C16orf74: variants seen among roughly 807,000 people sequenced by gnomAD.
C16orf74 encodes the protein calcimembrin.
C16orf74 carries 10 observed loss-of-function variants against 6.5 expected under a neutral mutation model. The observed-to-expected ratio is 1.54, with a 90% confidence interval of 0.95 to 2.61. C16orf74 has a LOEUF of 2.61. Among genes scored for constraint, C16orf74 ranks in the 30% most tolerant of loss-of-function variants. The pLI, the probability that C16orf74 is intolerant of heterozygous loss-of-function variation, is 0.00. For missense variants in C16orf74, 141 were observed against 105.9 expected, an observed-to-expected ratio of 1.33 and a Z score of -1.45; for synonymous variants, 60 against 42.5, an observed-to-expected ratio of 1.41 and a Z score of -1.60.
intron 2 of C16orf74, among the ~76,000 whole-genome samples, chr16:85,722,446 G>A (rs912070715): frequency 3.9e-5 from 6 of 152,214 alleles, no homozygotes; most frequent in African/African-American, 1.4e-4. Flanking sequence ...GAGCGGAGCA[G>A]ACTGAAGGCT....
chr16:85,708,075 AAG>A lies in C16orf74; in HGVS notation c.173-11_173-10del, dbSNP rs1567800264. ...TGTCTCATCCAGCCAGACTAGGAGA[AAG>A]AGGGGATGGACACCTGGATGCACCC... is the stretch of plus-strand genomic sequence containing the variant. On this transcript the variant is annotated splice_polypyrimidine_tract_variant and intron_variant, in intron 3 of 3. Transcript: ENST00000284245. The A allele has an allele frequency of 5.2e-6, 8 of 1,552,574 alleles. No individual in the cohort carries two copies. The highest frequency in any genetic ancestry group is 7.0e-6 in the Non-Finnish European group (8 of 1,147,266).
chr16:85,720,439 G>A (rs372925470), intron 2 of C16orf74, among the ~76,000 whole-genome samples: 1 of 152,230 alleles, frequency 6.6e-6, no homozygotes. Context: ...GGCTGTGGAG[G>A]GTGTAGGTAC....
intron 1 of C16orf74, among the ~76,000 whole-genome samples, chr16:85,749,489 C>T (rs1378872842): frequency 6.6e-6 from 1 of 152,094 alleles, no homozygotes; most frequent in African/African-American, 2.4e-5. Flanking sequence ...CACTGTGTTG[C>T]CCAGGCTGGT....
chr16:85,740,562 C>T (rs931786189), intron 1 of C16orf74, among the ~76,000 whole-genome samples: 36 of 151,732 alleles, frequency 2.4e-4, no homozygotes, highest in Non-Finnish European at 3.7e-4. Context: ...ATTAGCCAGG[C>T]GTGGTGGCGG....
intron 1 of C16orf74, among the ~76,000 whole-genome samples, chr16:85,739,456 G>T (rs1459215340): frequency 6.6e-6 from 1 of 152,212 alleles, no homozygotes; most frequent in Non-Finnish European, 1.5e-5. Flanking sequence ...GGAATTTGCT[G>T]TAAAATACTT....
At chr16:85,749,328 C>G (rs140281332) in intron 1 of C16orf74, among the ~76,000 whole-genome samples, 4 of 152,032 alleles carry the variant, frequency 2.6e-5, no homozygotes, top group African/African-American at 9.7e-5. Context: ...CTCTGTTGCC[C>G]AGGCTGGAAT....
intron 1 of C16orf74, among the ~76,000 whole-genome samples, chr16:85,748,221 A>C (rs2054396095): frequency 6.6e-6 from 1 of 151,568 alleles, no homozygotes. Context: ...GGGACAACTG[A>C]AGGGGGAAGT....
At chr16:85,740,161 G>C (rs2054287811) in intron 1 of C16orf74, among the ~76,000 whole-genome samples, 1 of 131,876 alleles carries the variant, frequency 7.6e-6, no homozygotes, top group African/African-American at 2.9e-5. Flanking sequence ...AGGGAGCCGA[G>C]ATCACGCCAT....
chr16:85,730,200 C>A (rs927953227), intron 2 of C16orf74, among the ~76,000 whole-genome samples: 3 of 152,116 alleles, frequency 2.0e-5, no homozygotes, highest in African/African-American at 7.2e-5. Flanking sequence ...CCACTGTGAC[C>A]CTCACACTCT....
chr16:85,727,184 G>A (rs138774048), intron 2 of C16orf74, among the ~76,000 whole-genome samples: 1 of 152,240 alleles, frequency 6.6e-6, no homozygotes, highest in African/African-American at 2.4e-5. Flanking sequence ...GCCTGCAGCT[G>A]TCCGCCAGCA....
At chr16:85,710,376 G>C in intron 2 of C16orf74, 69 bp from the exon 3 acceptor site, 6 of 1,403,170 alleles carry the variant, frequency 4.3e-6, no homozygotes, top group Non-Finnish European at 5.5e-6. Context: ...GTGGCCGCCG[G>C]GAACCGCGGG....
chr16:85,749,250 T>A (rs1430519575), intron 1 of C16orf74, among the ~76,000 whole-genome samples: 4 of 152,180 alleles, frequency 2.6e-5, no homozygotes, highest in Non-Finnish European at 5.9e-5. Context: ...GACTTTGCCT[T>A]TACAAGCTTC....
chr16:85,731,759 C>G (rs144641440), intron 2 of C16orf74, among the ~76,000 whole-genome samples: 1,546 of 151,946 alleles, frequency 0.01, 11 homozygotes, highest in Non-Finnish European at 0.015. Flanking sequence ...GTGATCACAG[C>G]TCACTGCAGC....
chr16:85,743,447 G>A (rs1294383073), intron 1 of C16orf74: 1 of 152,110 alleles, frequency 6.6e-6, no homozygotes, highest in Non-Finnish European at 1.5e-5. Context: ...ATGAGGAGCT[G>A]GGGCTCACAG....
intron 1 of C16orf74, among the ~76,000 whole-genome samples, chr16:85,746,488 T>C (rs1042074955): frequency 6.6e-6 from 1 of 152,182 alleles, no homozygotes; most frequent in Non-Finnish European, 1.5e-5. Context: ...CCTGGAGAAC[T>C]AGACAGGGAA....
chr16:85,715,017 C>T (rs1428918528), intron 2 of C16orf74, among the ~76,000 whole-genome samples: 10 of 151,646 alleles, frequency 6.6e-5, no homozygotes, highest in Non-Finnish European at 1.3e-4. Context: ...ATTAGGCAGG[C>T]ACGGTGGCGG....
At chr16:85,732,683 A>AAAT (rs1176884930) in intron 2 of C16orf74, among the ~76,000 whole-genome samples, 3 of 148,746 alleles carry the variant, frequency 2.0e-5, no homozygotes, top group Admixed American at 2.0e-4. Flanking sequence ...AAAAAAAAAA[A>AAAT]AAAAAAGAGT....
intron 1 of C16orf74, among the ~76,000 whole-genome samples, chr16:85,747,047 G>A (rs1341642308): frequency 6.6e-6 from 1 of 152,050 alleles, no homozygotes; most frequent in African/African-American, 2.4e-5. Context: ...AGCGAAACAG[G>A]ATGGGGTGGA....
chr16:85,730,828 C>A (rs1433386784), intron 2 of C16orf74, among the ~76,000 whole-genome samples: 1 of 133,196 alleles, frequency 7.5e-6, no homozygotes, highest in East Asian at 2.3e-4. Context: ...CGAGACAACC[C>A]CCCAAGACCA....
Sources: gnomAD v4.1 joint callset for allele counts (sites outside exome capture counted in the v4.1 genomes callset) on GRCh38, gnomAD v4.1.1 for gene constraint, MANE v1.5 for transcripts, NCBI Gene and HGNC (gene_info 2026-07-23, HGNC 2026-07-21) for gene names.